SBF2: variants seen among roughly 807,000 people sequenced by gnomAD.
SBF2 encodes myotubularin-related protein 13.
Under a neutral mutation model 225.2 loss-of-function variants are expected in SBF2, and 112 were observed. The observed-to-expected ratio is 0.50, with a 90% CI of 0.43 to 0.58. The LOEUF (loss-of-function observed/expected upper bound fraction) is 0.58, where lower values mean the gene tolerates loss of function less well. SBF2 is among the 20% of genes least tolerant of loss of function. The pLI is 0.00. For missense variants in SBF2, 1,996 were observed against 2,206.2 expected, an observed-to-expected ratio of 0.90 and a Z score of 1.91; for synonymous variants, 763 against 773.3, an observed-to-expected ratio of 0.99 and a Z score of 0.22.
chr11:9,972,222 T>C (rs1215098783), intron 13 of SBF2, among the ~76,000 whole-genome samples: 5 of 152,092 alleles, frequency 3.3e-5, no homozygotes, highest in African/African-American at 4.8e-5. Flanking sequence ...CTTATGAGTA[T>C]TGAACGAGCT....
At chr11:10,196,107 T>C (rs1286376374) in intron 1 of SBF2, among the ~76,000 whole-genome samples, 4 of 152,240 alleles carry the variant, frequency 2.6e-5, no homozygotes, top group Admixed American at 6.5e-5. Context: ...CAAAACTTTC[T>C]GGAAGAAATG....
At chr11:10,124,513 A>G (rs1407579232) in intron 2 of SBF2, among the ~76,000 whole-genome samples, 3 of 152,192 alleles carry the variant, frequency 2.0e-5, no homozygotes, top group South Asian at 2.1e-4. Flanking sequence ...GGTGAACTAT[A>G]TAAGTCCCTA....
chr11:9,849,910 G>A (rs1856801310), intron 22 of SBF2, 113 bp downstream of exon 22: 1 of 1,017,626 alleles, frequency 9.8e-7, no homozygotes, highest in Non-Finnish European at 1.6e-6. Context: ...ATACCTGTGT[G>A]GCAAAAAGCT....
chr11:9,940,926 A>T lies in SBF2; in HGVS notation c.1860+21031T>A, dbSNP rs1590546337. ...CAAAACTAATTTTAAAAAAGAAAAA[A>T]GCCACTAATCAGTAGACATGTTCTT... On this transcript the variant is annotated intron_variant, in intron 16 of 39. Transcript: ENST00000256190. 2.0e-5 allele frequency among the ~76,000 whole-genome samples: 3 copies of T among 152,208 alleles called. No individual in the cohort carries two copies. In the East Asian group the frequency reaches 5.8e-4, roughly 29 times the overall value.
chr11:9,984,372 C>T (rs1042711194), intron 13 of SBF2, among the ~76,000 whole-genome samples: 1 of 151,912 alleles, frequency 6.6e-6, no homozygotes, highest in Non-Finnish European at 1.5e-5. Flanking sequence ...CCTAATCCAA[C>T]AAAGACAAAG....
intron 1 of SBF2, among the ~76,000 whole-genome samples, chr11:10,280,157 A>AGTTTCAGATTTCAGAGT (rs79942315): frequency 0.4 from 60,248 of 151,510 alleles, 12,685 homozygotes; most frequent in Non-Finnish European, 0.47. Flanking sequence ...GTGCTCAAAA[A>AGTTTCAGATTTCAGAGT]GTTTCAGATT....
chr11:10,273,308 C>T (rs1962689143), intron 1 of SBF2, among the ~76,000 whole-genome samples: 1 of 152,092 alleles, frequency 6.6e-6, no homozygotes, highest in African/African-American at 2.4e-5. Flanking sequence ...TAAATCAGCC[C>T]AGGATCTAGA....
At chr11:10,087,445 T>A (rs1425118001) in intron 2 of SBF2, among the ~76,000 whole-genome samples, 1 of 152,230 alleles carries the variant, frequency 6.6e-6, no homozygotes, top group Non-Finnish European at 1.5e-5. Context: ...ATTCTGCAAG[T>A]GCCTTTCTCA....
intron 2 of SBF2, among the ~76,000 whole-genome samples, chr11:10,176,157 A>C (rs1482439710): frequency 7.0e-6 from 1 of 142,658 alleles, no homozygotes; most frequent in Admixed American, 7.1e-5. Context: ...ACAAAGACAC[A>C]ACATACCAGA....
rs1035076484 is a variant in SBF2, at chr11:10,303,592, C to T, written n.386+900G>A. The T allele has an allele frequency of 4.6e-5, 7 of 152,346 alleles. No homozygotes were observed. Among genetic ancestry groups the T allele is most frequent in the African/African-American group, 1.4e-4 (6 of 41,454 alleles). 9.4% of individuals were successfully genotyped at this position (152,346 alleles called of 1,614,324 possible). A position where few individuals can be genotyped will look rare whatever the true frequency, so the allele number is the denominator to read the frequency against. ...AGCTTAAAGGTCTGCTGGGGACCGGCTCTAAGATGGGGACTCGAGAGATGG... is the reference window on the plus strand; with the variant it reads ...AGCTTAAAGGTCTGCTGGGGACCGGTTCTAAGATGGGGACTCGAGAGATGG... On this transcript the variant is annotated intron_variant and non_coding_transcript_variant, in intron 1 of 5. Coordinates refer to the SBF2 transcript ENST00000685217. This position sits in a 1 kb window ranked among gnomAD's most constrained non-coding sequence, Gnocchi z 5.2.
intron 16 of SBF2, among the ~76,000 whole-genome samples, chr11:9,916,533 A>G (rs1590432446): frequency 6.6e-6 from 1 of 152,116 alleles, no homozygotes; most frequent in African/African-American, 2.4e-5. Context: ...GTAACATGAA[A>G]GCGGCCTTGG....
At chr11:10,237,835 T>G (rs192236090) in intron 1 of SBF2, among the ~76,000 whole-genome samples, 1 of 152,310 alleles carries the variant, frequency 6.6e-6, no homozygotes, top group East Asian at 1.9e-4. Context: ...TAGATTGGTT[T>G]GTATAATTAG....
intron 32 of SBF2, among the ~76,000 whole-genome samples, chr11:9,803,982 C>T (rs1305407086): frequency 6.6e-6 from 1 of 152,042 alleles, no homozygotes; most frequent in African/African-American, 2.4e-5. Flanking sequence ...GCACAGAGGC[C>T]CAAGTATTGA....
chr11:10,041,886 CT>C (rs1949669781), intron 3 of SBF2, among the ~76,000 whole-genome samples: 1 of 150,416 alleles, frequency 6.6e-6, no homozygotes, highest in South Asian at 2.1e-4. Flanking sequence ...TGGTTTCCTT[CT>C]TGTATTATAG....
At chr11:10,229,942 G>C (rs571015730) in intron 1 of SBF2, among the ~76,000 whole-genome samples, 1 of 152,174 alleles carries the variant, frequency 6.6e-6, no homozygotes, top group Non-Finnish European at 1.5e-5. Flanking sequence ...TATTGTGTGG[G>C]AGTCTAAGTC....
chr11:10,041,260 T>C (rs1949641946), intron 3 of SBF2, among the ~76,000 whole-genome samples: 1 of 152,142 alleles, frequency 6.6e-6, no homozygotes, highest in Non-Finnish European at 1.5e-5. Flanking sequence ...CAGATTGAAC[T>C]GATAAAAATG....
At chr11:9,780,599 G>A (rs996355862) in intron 39 of SBF2, 83 bp from the exon 40 acceptor site, 4 of 1,135,892 alleles carry the variant, frequency 3.5e-6, no homozygotes, top group Non-Finnish European at 5.3e-6. Context: ...CAGTTCCTGT[G>A]ACCTTTCTTT....
In SBF2 at chr11:10,230,720, C is replaced by T. The variant is rs533606968; in HGVS notation, c.56-36733G>A. 2.7e-4 allele frequency among the ~76,000 whole-genome samples: 41 copies of T among 152,260 alleles called. No homozygotes were observed. The East Asian group carries it at 4.2e-3, about 16-fold the overall frequency. ...GGCTTCCCTTTGTGGGTAACCCGAC[C>T]TTTCTCTCTGGCTGCCTTAACATTT... On this transcript the variant is annotated intron_variant, in intron 1 of 39. Transcript: ENST00000256190.
intron 6 of SBF2, among the ~76,000 whole-genome samples, chr11:10,020,670 C>A (rs1948819459): frequency 6.6e-6 from 1 of 152,144 alleles, no homozygotes; most frequent in African/African-American, 2.4e-5. Context: ...TTGCTGCAGA[C>A]TCCTATGGGT....
Sources: gnomAD v4.1 joint callset for allele counts (sites outside exome capture counted in the v4.1 genomes callset) on GRCh38, gnomAD v4.1.1 for gene constraint, Gnocchi (gnomAD v3.1) non-coding constraint, MANE v1.5 for transcripts, NCBI Gene and HGNC (gene_info 2026-07-23, HGNC 2026-07-21) for gene names.